GPHN: variants seen among roughly 807,000 people sequenced by gnomAD.
GPHN encodes the protein gephyrin.
In GPHN, 17 loss-of-function variants were observed where a neutral mutation model predicts 95.5. The observed-to-expected ratio is 0.18, with a 90% CI of 0.12 to 0.27. GPHN has a LOEUF of 0.27. Ranked by LOEUF, GPHN falls within the 10% of genes least tolerant of loss-of-function variation. The probability of loss-of-function intolerance (pLI) is 1.00; values close to 1 mark genes in which losing one functional copy is unlikely to be tolerated. For missense variants in GPHN, 660 were observed against 978.1 expected, an observed-to-expected ratio of 0.67 and a Z score of 4.34; for synonymous variants, 320 against 322.5, an observed-to-expected ratio of 0.99 and a Z score of 0.08.
Position 66,922,811 on chromosome 14 carries a change from C to G in GPHN, c.602C>G (p.Pro201Arg). ...PPLSPPPTTSPHKQTEDKGVQ... is the reference protein window; with the variant it reads ...PPLSPPPTTSRHKQTEDKGVQ... ...CTTTCCCCTCCTCCTACTACCAGCC[C>G]CCATAAACAGACAGAAGACAAAGGA... Residue 201 changes from proline to arginine, a missense_variant, in exon 7 of 23, where the codon CCC becomes CGC. By Grantham distance (103) the Pro-to-Arg change is moderately radical (BLOSUM62 -2). Transcript: ENST00000478722. 2.5e-6 allele frequency: 4 copies of G among 1,613,636 alleles called. No homozygotes were observed. Among genetic ancestry groups the G allele is most frequent in the South Asian group, 1.1e-5 (1 of 91,054 alleles).
intron 1 of GPHN, among the ~76,000 whole-genome samples, chr14:66,638,844 AGATCCTCATACT>A (rs1301757843): frequency 6.6e-6 from 1 of 152,164 alleles, no homozygotes; most frequent in African/African-American, 2.4e-5. Flanking sequence ...TCTTAGAAGC[AGATCCTCATACT>A]GAGTCATCAG....
chr14:67,645,661 T>C, the GPHN span: 1 of 1,613,790 alleles, frequency 6.2e-7, no homozygotes, highest in Non-Finnish European at 8.5e-7. Flanking sequence ...TCGGTACCAT[T>C]AGTGGCCATG....
the GPHN span, among the ~76,000 whole-genome samples, chr14:67,329,873 AATAAATAG>A: frequency 1.0e-4 from 10 of 96,638 alleles, no homozygotes; most frequent in South Asian, 3.9e-4. Flanking sequence ...TAAATAAATA[AATAAATAG>A]ATATAGAAAC....
At chr14:66,802,236 T>C (rs1174400596) in intron 3 of GPHN, among the ~76,000 whole-genome samples, 1 of 152,146 alleles carries the variant, frequency 6.6e-6, no homozygotes, top group African/African-American at 2.4e-5. Flanking sequence ...CCTAACCCCA[T>C]GGCAACCACC....
chr14:66,520,194 A>T (rs1470818632), intron 1 of GPHN, among the ~76,000 whole-genome samples: 1 of 152,184 alleles, frequency 6.6e-6, no homozygotes, highest in East Asian at 1.9e-4. Flanking sequence ...ATTTATCATT[A>T]CAAGTTTATA....
chr14:66,829,143 A>G (rs2061490809), intron 4 of GPHN, among the ~76,000 whole-genome samples: 1 of 134,236 alleles, frequency 7.4e-6, no homozygotes, highest in Admixed American at 8.7e-5. Flanking sequence ...GCTGGAGTGC[A>G]GTGGCATGAT....
At chr14:67,025,749 A>G (rs1003124914) in intron 10 of GPHN, among the ~76,000 whole-genome samples, 1 of 152,206 alleles carries the variant, frequency 6.6e-6, no homozygotes, top group Non-Finnish European at 1.5e-5. Context: ...TTAAGAAGAT[A>G]CCTGGGTCTC....
chr14:67,265,589 G>A, the GPHN span, among the ~76,000 whole-genome samples: 1 of 151,800 alleles, frequency 6.6e-6, no homozygotes, highest in Non-Finnish European at 1.5e-5. Context: ...CAGCGCAGTG[G>A]CTCACGCCTG....
intron 1 of GPHN, among the ~76,000 whole-genome samples, chr14:66,562,865 C>T (rs989614067): frequency 6.6e-6 from 1 of 151,020 alleles, no homozygotes; most frequent in African/African-American, 2.4e-5. Context: ...GATTTTGTGT[C>T]TGTGTGTGTG....
chr14:66,614,631 A>G (rs1158201618), intron 1 of GPHN, among the ~76,000 whole-genome samples: 1 of 150,956 alleles, frequency 6.6e-6, no homozygotes, highest in Non-Finnish European at 1.5e-5. Flanking sequence ...TCAAATTTGA[A>G]TAGAAATGAT....
At chr14:67,731,247 C>T in the GPHN span, among the ~76,000 whole-genome samples, 1 of 121,130 alleles carries the variant, frequency 8.3e-6, no homozygotes, top group Non-Finnish European at 1.6e-5. Flanking sequence ...CATAGTCTCA[C>T]TCTGTTGCCC....
chr14:66,878,477 G>C (rs944047691), intron 4 of GPHN, among the ~76,000 whole-genome samples: 2 of 151,968 alleles, frequency 1.3e-5, no homozygotes, highest in Non-Finnish European at 2.9e-5. Context: ...TCTGACAAAG[G>C]GCTAATATAC....
chr14:67,419,811 G>A, the GPHN span, among the ~76,000 whole-genome samples: 2 of 151,524 alleles, frequency 1.3e-5, no homozygotes, highest in African/African-American at 2.4e-5. Context: ...ATCGCGCCAC[G>A]GCACTCCAGC....
chr14:66,818,531 T>G (rs1458842630), intron 3 of GPHN, among the ~76,000 whole-genome samples: 1 of 152,222 alleles, frequency 6.6e-6, no homozygotes, highest in Non-Finnish European at 1.5e-5. Context: ...TTCCCATGTC[T>G]TTGCTATTGT....
chr14:66,918,458 A>T (rs1454191649), intron 6 of GPHN, among the ~76,000 whole-genome samples: 1 of 152,206 alleles, frequency 6.6e-6, no homozygotes, highest in Non-Finnish European at 1.5e-5. Flanking sequence ...ATGAGTATAT[A>T]TCCAAGTCAC....
chr14:66,841,057 G>A (rs2062068505), intron 4 of GPHN, among the ~76,000 whole-genome samples: 3 of 150,458 alleles, frequency 2.0e-5, no homozygotes, highest in Admixed American at 1.3e-4. Context: ...ATATATACAT[G>A]CCAGGCACTG....
intron 1 of GPHN, among the ~76,000 whole-genome samples, chr14:66,510,968 A>G (rs2058020787): frequency 6.6e-6 from 1 of 152,202 alleles, no homozygotes; most frequent in Non-Finnish European, 1.5e-5. Context: ...AAGGAATGAA[A>G]AGGCAGCTAC....
chr14:67,725,374 C>A, the GPHN span: 3 of 1,007,422 alleles, frequency 3.0e-6, no homozygotes, highest in Non-Finnish European at 4.6e-6. Context: ...ACAGGTTCTG[C>A]CACATGAACC....
intron 5 of GPHN, among the ~76,000 whole-genome samples, chr14:66,886,787 T>C (rs1286148598): frequency 6.6e-6 from 1 of 152,026 alleles, no homozygotes; most frequent in Non-Finnish European, 1.5e-5. Context: ...GGATTCAAGA[T>C]GGATGAGTGA....
Sources: allele counts gnomAD v4.1 joint callset (sites outside exome capture counted in the v4.1 genomes callset), GRCh38; gene constraint gnomAD v4.1.1; transcripts MANE v1.5; gene names NCBI Gene and HGNC (gene_info 2026-07-23, HGNC 2026-07-21).